Variants in RBFOX1 observed in about 807,000 individuals in gnomAD.
RBFOX1 encodes RNA binding protein fox-1 homolog 1.
RBFOX1 carries 8 observed loss-of-function variants against 57.7 expected under a neutral mutation model. That is an observed-to-expected ratio of 0.14 (90% CI 0.08 to 0.25). RBFOX1 has a LOEUF of 0.25. Among genes scored for constraint, RBFOX1 ranks in the 10% least tolerant of loss-of-function variants. The pLI is 1.00. For synonymous variants in RBFOX1, 326 were observed against 222.4 expected (o/e 1.47, Z -4.15); for missense variants, 611 against 548.5 (o/e 1.11, Z -1.14).
chr16:5,897,343 G>C (rs896772252), intron 4 of RBFOX1, among the ~76,000 whole-genome samples: 3 of 149,418 alleles, frequency 2.0e-5, no homozygotes, highest in East Asian at 1.9e-4. Flanking sequence ...CCCTCCATCC[G>C]CTTTTAAACA....
intron 5 of RBFOX1, among the ~76,000 whole-genome samples, chr16:7,549,815 CAAT>C (rs1227155704): frequency 1.3e-5 from 2 of 152,202 alleles, no homozygotes; most frequent in Admixed American, 1.3e-4. Context: ...TCCACTGACT[CAAT>C]GATAATCTTC....
chr16:5,909,387 C>T lies in RBFOX1; in HGVS notation c.351+42052C>T, dbSNP rs562630114. ...GATTACAGGCGTGAGCCACTGTGCC[C>T]GGCCCAAGCCCTTTCTAAAAAAAAT... is the stretch of plus-strand genomic sequence containing the variant. On this transcript the variant is annotated intron_variant, in intron 4 of 19. Coordinates refer to the RBFOX1 transcript ENST00000641259. 1.5e-4 allele frequency among the ~76,000 whole-genome samples: 23 copies of T among 152,184 alleles called. No homozygotes were observed. The East Asian group carries it at 1.5e-3, about 10-fold the overall frequency.
At chr16:7,222,747 G>C (rs2092822321) in intron 4 of RBFOX1, among the ~76,000 whole-genome samples, 1 of 152,194 alleles carries the variant, frequency 6.6e-6, no homozygotes, top group Admixed American at 6.5e-5. Context: ...GTATTCTACA[G>C]TAATCATTAT....
At chr16:6,325,384 T>G (rs932204541) in intron 2 of RBFOX1, among the ~76,000 whole-genome samples, 8 of 152,214 alleles carry the variant, frequency 5.3e-5, no homozygotes, top group African/African-American at 1.9e-4. Context: ...GAATTATGGA[T>G]AATGAAAGCA....
intron 1 of RBFOX1, among the ~76,000 whole-genome samples, chr16:6,080,458 C>T (rs115335997): frequency 2.0e-5 from 3 of 152,146 alleles, no homozygotes; most frequent in Admixed American, 6.5e-5. Context: ...CCTGTGTGCT[C>T]TTGCCAGCAA....
intron 2 of RBFOX1, among the ~76,000 whole-genome samples, chr16:6,550,875 T>C (rs1248635612): frequency 6.6e-6 from 1 of 152,182 alleles, no homozygotes; most frequent in African/African-American, 2.4e-5. Flanking sequence ...TTCTGGTGAG[T>C]TCTTCCCAGA....
chr16:7,347,470 C>T (rs1420980969), intron 4 of RBFOX1, among the ~76,000 whole-genome samples: 1 of 152,176 alleles, frequency 6.6e-6, no homozygotes, highest in Non-Finnish European at 1.5e-5. Context: ...CAAATTCAGT[C>T]ATTTCCCACC....
intron 3 of RBFOX1, among the ~76,000 whole-genome samples, chr16:6,803,216 A>T (rs542061958): frequency 4.9e-4 from 74 of 152,188 alleles, no homozygotes; most frequent in Middle Eastern, 3.4e-3. Flanking sequence ...TGTTCACTTG[A>T]CCCTCATTGC....
intron 4 of RBFOX1, among the ~76,000 whole-genome samples, chr16:7,335,460 G>A (rs1346996437): frequency 6.6e-6 from 1 of 152,124 alleles, no homozygotes; most frequent in Admixed American, 6.6e-5. Context: ...TATAGTTGGA[G>A]ATTACTTTTC....
At chr16:6,819,721 A>AC (rs1293578020) in intron 3 of RBFOX1, among the ~76,000 whole-genome samples, 1 of 144,594 alleles carries the variant, frequency 6.9e-6, no homozygotes, top group African/African-American at 2.6e-5. Flanking sequence ...AAAAAAAAAA[A>AC]AAAAAAAAAA....
At chr16:7,676,408 A>T (rs999929701) in intron 13 of RBFOX1, among the ~76,000 whole-genome samples, 2 of 152,234 alleles carry the variant, frequency 1.3e-5, no homozygotes, top group Non-Finnish European at 2.9e-5. Context: ...AAGGTAAAGC[A>T]GAAACAATTT....
chr16:5,812,313 C>T (rs1056370836), intron 3 of RBFOX1, among the ~76,000 whole-genome samples: 4 of 152,160 alleles, frequency 2.6e-5, no homozygotes, highest in Non-Finnish European at 5.9e-5. Context: ...AGTAGAAAGG[C>T]TGGATCATTT....
At chr16:5,454,009 A>G (rs1296877251) in intron 1 of RBFOX1, among the ~76,000 whole-genome samples, 2 of 152,204 alleles carry the variant, frequency 1.3e-5, no homozygotes, top group Admixed American at 6.5e-5. Flanking sequence ...TGTTCCAGGA[A>G]GGGTGACTAA....
intron 4 of RBFOX1, among the ~76,000 whole-genome samples, chr16:7,220,614 T>C (rs561620328): frequency 6.6e-6 from 1 of 152,320 alleles, no homozygotes; most frequent in South Asian, 2.1e-4. Flanking sequence ...TTGCTGCATC[T>C]TCCTCTGGTT....
chr16:5,961,163 T>C (rs961946225), intron 4 of RBFOX1, among the ~76,000 whole-genome samples: 5 of 139,334 alleles, frequency 3.6e-5, no homozygotes, highest in Admixed American at 1.5e-4. Flanking sequence ...TCCAAGAATT[T>C]TGAGCCTTTT....
chr16:5,308,722 C>G (rs1190960367), intron 1 of RBFOX1, among the ~76,000 whole-genome samples: 2 of 150,460 alleles, frequency 1.3e-5, no homozygotes, highest in Non-Finnish European at 3.0e-5. Flanking sequence ...TTTATTTTTA[C>G]TTTCAACTAT....
At chr16:5,625,045 C>G (rs2048308636) in intron 3 of RBFOX1, among the ~76,000 whole-genome samples, 1 of 152,172 alleles carries the variant, frequency 6.6e-6, no homozygotes, top group South Asian at 2.1e-4. Context: ...ATAGGCGGCT[C>G]TGGATTCTAT....
intron 2 of RBFOX1, 47 bp from the exon 3 acceptor site, chr16:6,654,556 G>A (rs1186830050): frequency 1.1e-5 from 16 of 1,423,354 alleles, no homozygotes; most frequent in Non-Finnish European, 1.5e-5. Context: ...CCATAAGTCT[G>A]ACTCCTGTTC....
rs2059399977 is a variant in RBFOX1 at position 5,946,354 on chromosome 16, TCCATTCCTTTTC to T, written c.351+79020_351+79031del. Among the ~76,000 whole-genome samples the T allele has an allele frequency of 6.6e-6, 1 of 152,220 alleles. No individual in the cohort carries two copies. The highest frequency in any genetic ancestry group is 1.5e-5 in the Non-Finnish European group (1 of 68,042). ...GAGTGTGTCTTCAATGATTTACTTC[TCCATTCCTTTTC>T]TTTTCGTTTGCTCATGGATGTTTAT... On this transcript the variant is annotated intron_variant, in intron 4 of 19. Transcript: ENST00000641259. The surrounding 1 kb of genome is among the most constrained non-coding windows in gnomAD (Gnocchi z 4.6).
Sources: allele counts gnomAD v4.1 joint callset (sites outside exome capture counted in the v4.1 genomes callset), GRCh38; gene constraint gnomAD v4.1.1; non-coding constraint Gnocchi (gnomAD v3.1); transcripts MANE v1.5; gene names NCBI Gene and HGNC (gene_info 2026-07-23, HGNC 2026-07-21).